ZBTB7C: variants seen among roughly 807,000 people sequenced by gnomAD.
ZBTB7C encodes the protein zinc finger and BTB domain containing 7C.
Under a neutral mutation model 25.7 loss-of-function variants are expected in ZBTB7C, and 8 were observed. The observed-to-expected ratio is 0.31, with a 90% CI of 0.18 to 0.56. The LOEUF (loss-of-function observed/expected upper bound fraction) is 0.56. Among genes scored for constraint, ZBTB7C ranks in the 20% least tolerant of loss-of-function variants. The pLI, the probability that ZBTB7C is intolerant of heterozygous loss-of-function variation, is 0.91. For missense variants in ZBTB7C, 824 were observed against 855.2 expected (o/e 0.96, Z 0.46); for synonymous variants, 394 against 369.0 (o/e 1.07, Z -0.78).
chr18:48,174,325 T>C (rs1026148987), intron 3 of ZBTB7C, among the ~76,000 whole-genome samples: 1 of 152,172 alleles, frequency 6.6e-6, no homozygotes, highest in African/African-American at 2.4e-5. Flanking sequence ...AAAATGATCA[T>C]TAAACATATG....
At chr18:48,323,318 G>A (rs1490071243) in intron 2 of ZBTB7C, among the ~76,000 whole-genome samples, 1 of 152,204 alleles carries the variant, frequency 6.6e-6, no homozygotes, top group African/African-American at 2.4e-5. Context: ...TACAGGGCTG[G>A]TACTATGATA....
chr18:48,093,994 G>A (rs4273115), intron 3 of ZBTB7C, among the ~76,000 whole-genome samples: 25,798 of 152,156 alleles, frequency 0.17, 2,509 homozygotes, highest in Admixed American at 0.23. Flanking sequence ...GGGAGGCGGA[G>A]CTTGCAGTGA....
intron 2 of ZBTB7C, among the ~76,000 whole-genome samples, chr18:48,258,412 T>C (rs1426784406): frequency 1.3e-5 from 2 of 152,216 alleles, no homozygotes; most frequent in Non-Finnish European, 2.9e-5. Context: ...ATATTAATTG[T>C]ATTCCTACAT....
chr18:48,354,176 C>T (rs550351234), intron 1 of ZBTB7C, among the ~76,000 whole-genome samples: 5 of 152,160 alleles, frequency 3.3e-5, no homozygotes, highest in East Asian at 3.9e-4. Context: ...AGGTTTTTGT[C>T]GTTTTGTGGT....
At chr18:48,118,676 C>G (rs545988768) in intron 3 of ZBTB7C, among the ~76,000 whole-genome samples, 1 of 152,048 alleles carries the variant, frequency 6.6e-6, no homozygotes, top group Non-Finnish European at 1.5e-5. Flanking sequence ...GGTACATTAG[C>G]GTGAGTGAAT....
At chr18:48,105,400 A>G (rs1294654406) in intron 3 of ZBTB7C, among the ~76,000 whole-genome samples, 2 of 152,190 alleles carry the variant, frequency 1.3e-5, no homozygotes, top group Non-Finnish European at 2.9e-5. Context: ...CAACAGAGGC[A>G]CTATTGCACC....
chr18:48,056,791 AT>A (rs1332752843), intron 3 of ZBTB7C, among the ~76,000 whole-genome samples: 2 of 152,184 alleles, frequency 1.3e-5, no homozygotes, highest in Non-Finnish European at 2.9e-5. Flanking sequence ...TAAATAAAAT[AT>A]TGAAGAACTA....
chr18:48,206,136 C>T (rs975200875), intron 2 of ZBTB7C, among the ~76,000 whole-genome samples: 2 of 152,060 alleles, frequency 1.3e-5, no homozygotes, highest in Non-Finnish European at 2.9e-5. Context: ...CTATAATACC[C>T]AGGTCAATAA....
intron 1 of ZBTB7C, among the ~76,000 whole-genome samples, chr18:48,352,781 G>A (rs1598934054): frequency 1.3e-5 from 2 of 152,142 alleles, no homozygotes; most frequent in East Asian, 1.9e-4. Context: ...GCAAGCAGGT[G>A]AGCAAATGAT....
chr18:48,205,328 C>T lies in ZBTB7C; in HGVS notation c.-78-19333G>A, dbSNP rs563021613. On this transcript the variant is annotated intron_variant, in intron 2 of 4. Transcript: ENST00000590800. ...GGACAAAATTTTTAAATACAACTTA[C>T]AATAGCATTAACAAATTAAATACCT... Among the ~76,000 whole-genome samples, 10 of 152,020 alleles carry T rather than the reference C, an allele frequency of 6.6e-5. No individual in the cohort carries two copies. The East Asian group carries it at 2.0e-3, about 30-fold the overall frequency.
chr18:48,077,601 G>A (rs1180626866), intron 3 of ZBTB7C, among the ~76,000 whole-genome samples: 1 of 152,196 alleles, frequency 6.6e-6, no homozygotes, highest in Non-Finnish European at 1.5e-5. Context: ...GTACAGTCAG[G>A]GCACATGGAA....
At chr18:48,393,871 T>C (rs557279727) in intron 1 of ZBTB7C, among the ~76,000 whole-genome samples, 1 of 152,272 alleles carries the variant, frequency 6.6e-6, no homozygotes, top group Admixed American at 6.5e-5. Context: ...CAAAAAGGCA[T>C]AGAGTGCCTA....
intron 3 of ZBTB7C, among the ~76,000 whole-genome samples, chr18:48,071,685 T>C (rs886496482): frequency 2.0e-5 from 3 of 152,242 alleles, no homozygotes; most frequent in African/African-American, 7.2e-5. Flanking sequence ...AACAGATATT[T>C]GTACAAGCAC....
intron 1 of ZBTB7C, among the ~76,000 whole-genome samples, chr18:48,340,595 T>C (rs2046576739): frequency 6.6e-6 from 1 of 152,188 alleles, no homozygotes; most frequent in South Asian, 2.1e-4. Context: ...TGGCTGCAGG[T>C]CACCTGGCAG....
At chr18:48,031,792 G>A (rs1485972248) in intron 4 of ZBTB7C, among the ~76,000 whole-genome samples, 4 of 152,236 alleles carry the variant, frequency 2.6e-5, no homozygotes, top group African/African-American at 9.6e-5. Context: ...AACAGACCCA[G>A]CTGGGGAACT....
chr18:48,151,956 G>A (rs560052779), intron 3 of ZBTB7C, among the ~76,000 whole-genome samples: 1 of 152,282 alleles, frequency 6.6e-6, no homozygotes, highest in South Asian at 2.1e-4. Context: ...ACAGCCAAGG[G>A]GAGGGACACA....
chr18:48,039,473 T>C (rs929077090), intron 4 of ZBTB7C, among the ~76,000 whole-genome samples: 2 of 152,222 alleles, frequency 1.3e-5, no homozygotes, highest in African/African-American at 4.8e-5. Context: ...GCCCCTGGCA[T>C]GCAGAATATG....
At chr18:48,257,892 G>A (rs1446343479) in intron 2 of ZBTB7C, among the ~76,000 whole-genome samples, 1 of 151,954 alleles carries the variant, frequency 6.6e-6, no homozygotes, top group African/African-American at 2.4e-5. Flanking sequence ...ATATCAGCTG[G>A]GCATGGTAGC....
At chr18:48,103,020 A>G (rs2038888805) in intron 3 of ZBTB7C, among the ~76,000 whole-genome samples, 1 of 147,818 alleles carries the variant, frequency 6.8e-6, no homozygotes, top group South Asian at 2.1e-4. Flanking sequence ...GAAGGTGTGG[A>G]TATATTATAT....
Sources: allele counts gnomAD v4.1 joint callset (sites outside exome capture counted in the v4.1 genomes callset), GRCh38; gene constraint gnomAD v4.1.1; transcripts MANE v1.5; gene names NCBI Gene and HGNC (gene_info 2026-07-23, HGNC 2026-07-21).